The following FGF14 variants were observed in gnomAD, a reference collection of about 807,000 sequenced individuals.
FGF14 encodes fibroblast growth factor homologous factor 4.
Under a neutral mutation model 25.5 loss-of-function variants are expected in FGF14, and 5 were observed. The ratio of observed to expected loss-of-function variants is 0.20; its 90% CI spans 0.10 to 0.41. The LOEUF is 0.41. Among genes scored for constraint, FGF14 ranks in the 10% least tolerant of loss-of-function variants. The pLI is 1.00. For missense variants in FGF14, 222 were observed against 320.1 expected, an observed-to-expected ratio of 0.69 and a Z score of 2.34; for synonymous variants, 138 against 118.3, an observed-to-expected ratio of 1.17 and a Z score of -1.08.
chr13:102,039,035 A>T (rs772641655), intron 1 of FGF14, among the ~76,000 whole-genome samples: 16 of 152,112 alleles, frequency 1.1e-4, no homozygotes, highest in Non-Finnish European at 2.2e-4. Context: ...ATGTTCTGTT[A>T]TCCTCATTAT....
chr13:102,083,215 A>C (rs2043722479), intron 1 of FGF14, among the ~76,000 whole-genome samples: 1 of 152,218 alleles, frequency 6.6e-6, no homozygotes, highest in South Asian at 2.1e-4. Context: ...CCTTGGTCCA[A>C]GCTTCCGTCA....
At chr13:101,760,713 TTCTTTAA>T (rs1372876913) in intron 3 of FGF14, among the ~76,000 whole-genome samples, 1 of 152,184 alleles carries the variant, frequency 6.6e-6, no homozygotes, top group Non-Finnish European at 1.5e-5. Flanking sequence ...ATATAGTATT[TTCTTTAA>T]TTCCTTCCAG....
intron 1 of FGF14, among the ~76,000 whole-genome samples, chr13:102,029,633 C>G (rs983950838): frequency 6.6e-6 from 1 of 152,184 alleles, no homozygotes; most frequent in Admixed American, 6.6e-5. Context: ...GCAGAAGCTA[C>G]AGAAAAATTT....
intron 1 of FGF14, among the ~76,000 whole-genome samples, chr13:102,128,443 A>C (rs1405711701): frequency 2.0e-5 from 3 of 152,218 alleles, no homozygotes; most frequent in Admixed American, 6.5e-5. Context: ...AGAAAGCTGA[A>C]GTTGATTCTG....
rs543483703 is a variant in FGF14, at chr13:102,401,023, T to C, written c.208+448A>G. ...GTAAAGGTGATCGTGGTGGCGAATA[T>C]TGTGCAAGCTAATCAGAAAGTCTAG... On this transcript the variant is annotated intron_variant, in intron 1 of 4. Transcript: ENST00000376131. Among the ~76,000 whole-genome samples the C allele has an allele frequency of 7.2e-5, 11 of 152,116 alleles. No homozygotes were observed. The East Asian group carries it at 1.9e-3, about 27-fold the overall frequency.
At chr13:101,947,895 T>C (rs574421428) in intron 1 of FGF14, among the ~76,000 whole-genome samples, 1 of 152,300 alleles carries the variant, frequency 6.6e-6, no homozygotes, top group East Asian at 1.9e-4. Flanking sequence ...GCAATAATAA[T>C]ATGTAGAACA....
intron 3 of FGF14, among the ~76,000 whole-genome samples, chr13:101,820,895 C>CA (rs1555388989): frequency 9.9e-6 from 1 of 100,784 alleles, no homozygotes; most frequent in African/African-American, 2.9e-5. Context: ...TCTTTTTAGT[C>CA]CAGTCTCCCC....
intron 3 of FGF14, among the ~76,000 whole-genome samples, chr13:101,839,613 A>T (rs1566961349): frequency 6.6e-6 from 1 of 152,034 alleles, no homozygotes; most frequent in Non-Finnish European, 1.5e-5. Flanking sequence ...GCAATGCATT[A>T]TAACCACATC....
intron 1 of FGF14, among the ~76,000 whole-genome samples, chr13:102,307,558 A>G (rs1026546419): frequency 1.3e-5 from 2 of 152,202 alleles, no homozygotes; most frequent in African/African-American, 4.8e-5. Context: ...TTTAAGACTA[A>G]TAAGTGGTAC....
At chr13:102,337,131 G>A (rs2056810924) in intron 1 of FGF14, among the ~76,000 whole-genome samples, 1 of 152,184 alleles carries the variant, frequency 6.6e-6, no homozygotes, top group African/African-American at 2.4e-5. Flanking sequence ...TGCCACCATA[G>A]ATAGTAATTC....
At chr13:102,256,902 AT>A (rs1294882814) in intron 1 of FGF14, among the ~76,000 whole-genome samples, 1 of 152,214 alleles carries the variant, frequency 6.6e-6, no homozygotes, top group Non-Finnish European at 1.5e-5. Context: ...TTGGTCATGA[AT>A]TGAAAATATG....
chr13:101,874,040 T>C (rs755023787), intron 2 of FGF14, among the ~76,000 whole-genome samples: 16 of 151,738 alleles, frequency 1.1e-4, no homozygotes, highest in Non-Finnish European at 2.1e-4. Flanking sequence ...ATGCACAAAA[T>C]ACAAAAAGTG....
Position 101,867,889 on chromosome 13 carries a change from GACACACACACACAC to G in FGF14, c.408+822_408+835del, listed in dbSNP as rs370683665. 2.1e-3 allele frequency among the ~76,000 whole-genome samples: 292 copies of G among 140,678 alleles called. 3 individuals are homozygous for G. Among genetic ancestry groups the G allele is most frequent in the African/African-American group, 6.2e-3 (235 of 37,892 alleles). The allele number at this position is 140,678 out of a possible 152,430, so 92.3% of individuals were successfully genotyped here. A position where few individuals can be genotyped will look rare whatever the true frequency, so the allele number is the denominator to read the frequency against. On this transcript the variant is annotated intron_variant, in intron 3 of 4. Coordinates refer to ENST00000376143, the MANE Select transcript of FGF14 (RefSeq NM_004115.4). ...CCCCCTGGAGAATGTTTCTGTTTAAGACACACACACACACACACACACACACACACACACACACA... is the reference window on the plus strand; with the variant it reads ...CCCCCTGGAGAATGTTTCTGTTTAAGACACACACACACACACACACACACA...
Position 101,916,447 on chromosome 13 carries a change from A to G in FGF14, c.193+6T>C. 3 of 1,613,860 alleles carry G rather than the reference A, an allele frequency of 1.9e-6. No homozygotes were observed. Among genetic ancestry groups the G allele is most frequent in the Non-Finnish European group, 2.5e-6 (3 of 1,179,898 alleles). On this transcript the variant is annotated splice_donor_region_variant and intron_variant, in intron 1 of 4. Transcript: ENST00000376143. ...GGCGCATCTCCCGACCATGACCCCC[A>G]CAGACCTTGGCGCCGCAACCTGCGC...
At chr13:101,850,197 G>A (rs2043678725) in intron 3 of FGF14, among the ~76,000 whole-genome samples, 1 of 147,086 alleles carries the variant, frequency 6.8e-6, no homozygotes, top group South Asian at 2.2e-4. Flanking sequence ...ACTTTGGGAG[G>A]CTAAGGTGGG....
intron 1 of FGF14, among the ~76,000 whole-genome samples, chr13:101,899,124 A>G (rs1047601668): frequency 6.6e-6 from 1 of 152,162 alleles, no homozygotes; most frequent in African/African-American, 2.4e-5. Flanking sequence ...ACAAGCTAGC[A>G]CACACATATA....
At chr13:102,275,213 G>A (rs1365301216) in intron 1 of FGF14, among the ~76,000 whole-genome samples, 1 of 143,624 alleles carries the variant, frequency 7.0e-6, no homozygotes. Flanking sequence ...CTGCTAATCT[G>A]CCAACTGAGA....
chr13:102,321,709 T>C (rs931096881), intron 1 of FGF14, among the ~76,000 whole-genome samples: 14 of 152,272 alleles, frequency 9.2e-5, no homozygotes, highest in African/African-American at 3.1e-4. Context: ...GCATACCAAA[T>C]ACAACAAAAC....
chr13:102,068,713 G>C (rs1490064710), intron 1 of FGF14, among the ~76,000 whole-genome samples: 1 of 152,194 alleles, frequency 6.6e-6, no homozygotes, highest in Non-Finnish European at 1.5e-5. Context: ...CTTCCCGCGG[G>C]GCAGGGCTCG....
Sources: gnomAD v4.1 joint callset for allele counts (sites outside exome capture counted in the v4.1 genomes callset) on GRCh38, gnomAD v4.1.1 for gene constraint, MANE v1.5 for transcripts, NCBI Gene and HGNC (gene_info 2026-07-23, HGNC 2026-07-21) for gene names.